Variants in NSUN6 observed in about 807,000 individuals in gnomAD.
NSUN6 encodes the protein NOP2/Sun RNA methyltransferase 6.
In NSUN6, 64 loss-of-function variants were observed where a neutral mutation model predicts 58.0. The observed-to-expected ratio is 1.10, with a 90% CI of 0.90 to 1.36. The LOEUF (loss-of-function observed/expected upper bound fraction) is 1.36, where lower values mean the gene tolerates loss of function less well. Ranked by LOEUF, NSUN6 falls within the 40% of genes most tolerant of loss-of-function variation. NSUN6 has a pLI of 0.00. For synonymous variants in NSUN6, 231 were observed against 193.9 expected (o/e 1.19, Z -1.59); for missense variants, 701 against 550.1 (o/e 1.27, Z -2.74).
intron 8 of NSUN6, among the ~76,000 whole-genome samples, chr10:18,579,513 C>T (rs2056813142): frequency 6.6e-6 from 1 of 152,066 alleles, no homozygotes; most frequent in South Asian, 2.1e-4. Flanking sequence ...AATATATAGT[C>T]CTGTGTGAAT....
chr10:18,573,570 C>G (rs1686170379), intron 8 of NSUN6, among the ~76,000 whole-genome samples: 2 of 152,086 alleles, frequency 1.3e-5, no homozygotes, highest in Admixed American at 6.6e-5. Flanking sequence ...AATTTTACAA[C>G]AAGTTCTAGA....
At chr10:18,638,575 C>G (rs1351696145) in intron 3 of NSUN6, among the ~76,000 whole-genome samples, 1 of 152,108 alleles carries the variant, frequency 6.6e-6, no homozygotes, top group Non-Finnish European at 1.5e-5. Flanking sequence ...GGTACTGTTA[C>G]AAGGAGGAAA....
intron 8 of NSUN6, among the ~76,000 whole-genome samples, chr10:18,560,056 GAAATGGAAAATGGAATGGAATGGAATGGA>G (rs971958617): frequency 1.3e-4 from 12 of 95,366 alleles, no homozygotes; most frequent in African/African-American, 4.7e-4. Context: ...AGAATGGAAT[GAAATGGAAAATGGAATGGAATGGAATGGA>G]GAATGGAATG....
chr10:18,612,931 T>C (rs1017292238), intron 5 of NSUN6, among the ~76,000 whole-genome samples: 2 of 152,198 alleles, frequency 1.3e-5, no homozygotes, highest in East Asian at 1.9e-4. Context: ...TCAAATTCAC[T>C]AACTGAATAG....
At chr10:18,583,293 C>T in intron 8 of NSUN6, among the ~76,000 whole-genome samples, 1 of 152,152 alleles carries the variant, frequency 6.6e-6, no homozygotes, top group East Asian at 1.9e-4. Context: ...TCCTATAAGG[C>T]AACCCCTTCC....
At chr10:18,626,685 T>C (rs966563075) in intron 3 of NSUN6, among the ~76,000 whole-genome samples, 4 of 152,164 alleles carry the variant, frequency 2.6e-5, no homozygotes, top group African/African-American at 9.7e-5. Context: ...GGATAATCAC[T>C]TGAACACGGA....
intron 3 of NSUN6, among the ~76,000 whole-genome samples, chr10:18,627,451 C>T (rs55927700): frequency 0.21 from 31,883 of 152,116 alleles, 3,656 homozygotes; most frequent in South Asian, 0.31. Flanking sequence ...CAGCTCCCAG[C>T]GTGAGCGACG....
chr10:18,555,893 T>TAGAATAGAATGG (rs2054971129), intron 8 of NSUN6, among the ~76,000 whole-genome samples: 7 of 119,056 alleles, frequency 5.9e-5, no homozygotes, highest in South Asian at 2.9e-4. Flanking sequence ...GAATGGAGAA[T>TAGAATAGAATGG]AGAATGGAAT....
chr10:18,651,097 A>G, intron 1 of NSUN6, 32 bp downstream of exon 1: 1 of 1,570,242 alleles, frequency 6.4e-7, no homozygotes, highest in East Asian at 2.3e-5. Flanking sequence ...GAGTTTTTGC[A>G]AAATATCAAC....
intron 2 of NSUN6, among the ~76,000 whole-genome samples, chr10:18,648,247 G>A (rs748909343): frequency 1.3e-5 from 2 of 152,086 alleles, no homozygotes; most frequent in African/African-American, 2.4e-5. Flanking sequence ...AGTTTAATGC[G>A]GCCCAGAGGG....
At chr10:18,560,630 T>C (rs954299416) in intron 8 of NSUN6, among the ~76,000 whole-genome samples, 5 of 142,354 alleles carry the variant, frequency 3.5e-5, no homozygotes, top group African/African-American at 1.1e-4. Context: ...GAGAATGGAA[T>C]ATAAAGGAAT....
chr10:18,659,120 T>C, upstream of NSUN6: 1 of 153,424 alleles, frequency 6.5e-6, no homozygotes, highest in Non-Finnish European at 1.4e-5. Flanking sequence ...CAAAGGGGAG[T>C]CCCACAAACG....
rs755959998 is a variant in NSUN6, at chr10:18,651,249, G to T, written c.-46C>A. The T allele has an allele frequency of 6.7e-7, 1 of 1,489,272 alleles. No homozygotes were observed. 92.3% of individuals were successfully genotyped at this position (1,489,272 alleles called of 1,614,324 possible). ...CCACCAAGAGAAATGCTGGAAAACG[G>T]TGTTTTGTTTTTTTTTTTCTTTCCG... On this transcript the variant is annotated 5_prime_UTR_variant, in exon 1 of 11. Coordinates refer to ENST00000377304, the MANE Select transcript of NSUN6 (RefSeq NM_182543.5).
At chr10:18,617,745 C>A (rs1254661756) in intron 3 of NSUN6, among the ~76,000 whole-genome samples, 5 of 152,014 alleles carry the variant, frequency 3.3e-5, no homozygotes, top group Non-Finnish European at 7.4e-5. Flanking sequence ...GCAACTTAAT[C>A]CCTAGTGCAA....
intron 5 of NSUN6, among the ~76,000 whole-genome samples, chr10:18,613,066 C>A (rs1348684400): frequency 6.6e-6 from 1 of 152,132 alleles, no homozygotes; most frequent in Admixed American, 6.5e-5. Context: ...AAACTTCCAA[C>A]AGTATAACTG....
At chr10:18,652,627 C>A, upstream of NSUN6, 3 of 887,352 alleles carry the variant, frequency 3.4e-6, no homozygotes, top group Non-Finnish European at 4.0e-6. Context: ...ATGGTGGGAT[C>A]TCGACTCACT....
upstream of NSUN6, chr10:18,653,180 C>T: frequency 1.0e-6 from 1 of 984,658 alleles, no homozygotes; most frequent in Non-Finnish European, 1.2e-6. Flanking sequence ...ATTTTAAACT[C>T]CACAAGGATA....
upstream of NSUN6, chr10:18,653,152 A>G: frequency 1.0e-6 from 1 of 984,986 alleles, no homozygotes; most frequent in African/African-American, 1.7e-5. Context: ...ATAAAGGAGG[A>G]GAAACAAGTT....
At chr10:18,615,914 C>G (rs1242570123) in intron 4 of NSUN6, among the ~76,000 whole-genome samples, 1 of 151,686 alleles carries the variant, frequency 6.6e-6, no homozygotes, top group Non-Finnish European at 1.5e-5. Flanking sequence ...AACAGAAGTT[C>G]ATTGACGTAC....
Sources: allele counts gnomAD v4.1 joint callset (sites outside exome capture counted in the v4.1 genomes callset), GRCh38; gene constraint gnomAD v4.1.1; transcripts MANE v1.5; gene names NCBI Gene and HGNC (gene_info 2026-07-23, HGNC 2026-07-21).